TLL1: variants seen among roughly 807,000 people sequenced by gnomAD.
The protein encoded by TLL1 is tolloid like 1, also known as tolloid-like protein 1.
TLL1 carries 49 observed loss-of-function variants against 128.2 expected under a neutral mutation model. The ratio of observed to expected loss-of-function variants is 0.38; its 90% CI spans 0.30 to 0.48. The LOEUF (loss-of-function observed/expected upper bound fraction) is 0.48, where lower values mean the gene tolerates loss of function less well. Ranked by LOEUF, TLL1 falls within the 20% of genes least tolerant of loss-of-function variation. The pLI is 0.96. For missense variants in TLL1, 1,123 were observed against 1,242.0 expected (o/e 0.90, Z 1.44); for synonymous variants, 454 against 418.8 (o/e 1.08, Z -1.03).
intron 8 of TLL1, among the ~76,000 whole-genome samples, chr4:166,020,760 T>C (rs969361188): frequency 3.3e-5 from 5 of 152,238 alleles, no homozygotes; most frequent in South Asian, 2.1e-4. Flanking sequence ...TCTCAGTAAG[T>C]CTTCCTTAAT....
At chr4:166,022,377 C>G (rs1196144181) in intron 8 of TLL1, among the ~76,000 whole-genome samples, 3 of 152,160 alleles carry the variant, frequency 2.0e-5, no homozygotes, top group Non-Finnish European at 4.4e-5. Context: ...GTTGGCCAGG[C>G]TGGTCTGGAA....
chr4:165,955,217 C>A lies in TLL1; in HGVS notation c.170-34164C>A, dbSNP rs1198548591. ...GTCCTTCAAATCAACCCAATCAGAC[C>A]AAAAAATTAAAATAAAAATAAAAAG... On this transcript the variant is annotated intron_variant, in intron 1 of 20. Transcript: ENST00000061240. Among the ~76,000 whole-genome samples the A allele has an allele frequency of 2.0e-5, 3 of 150,622 alleles. No homozygotes were observed. The East Asian group carries it at 5.8e-4, about 29-fold the overall frequency.
intron 1 of TLL1, among the ~76,000 whole-genome samples, chr4:165,916,800 G>A (rs1561026901): frequency 1.3e-5 from 2 of 152,062 alleles, no homozygotes; most frequent in Admixed American, 6.6e-5. Context: ...TCTGCTGCCT[G>A]TCTATACATT....
intron 15 of TLL1, among the ~76,000 whole-genome samples, chr4:166,061,912 A>G (rs1163218744): frequency 2.6e-5 from 4 of 152,118 alleles, no homozygotes; most frequent in Non-Finnish European, 2.9e-5. Flanking sequence ...TAAGGAAAGG[A>G]CCCAGTTTCA....
At chr4:165,973,865 C>T (rs1321503116) in intron 1 of TLL1, among the ~76,000 whole-genome samples, 1 of 151,958 alleles carries the variant, frequency 6.6e-6, no homozygotes, top group Non-Finnish European at 1.5e-5. Flanking sequence ...GGGGTTTCAC[C>T]ATATTGGTCA....
intron 9 of TLL1, among the ~76,000 whole-genome samples, chr4:166,034,812 T>C (rs186108286): frequency 1.2e-4 from 19 of 152,238 alleles, no homozygotes; most frequent in African/African-American, 4.1e-4. Flanking sequence ...TTGTGGACAA[T>C]AGAAATTTAT....
At chr4:165,909,215 T>C (rs1732413607) in intron 1 of TLL1, among the ~76,000 whole-genome samples, 1 of 151,764 alleles carries the variant, frequency 6.6e-6, no homozygotes, top group Non-Finnish European at 1.5e-5. Context: ...AAAGAACGGC[T>C]CCAAAGTTTA....
intron 1 of TLL1, among the ~76,000 whole-genome samples, chr4:165,965,225 C>A (rs1025373202): frequency 1.3e-5 from 2 of 151,968 alleles, no homozygotes; most frequent in Admixed American, 6.6e-5. Flanking sequence ...TAATATGTTT[C>A]TTTGTAGATA....
chr4:166,010,950 T>C (rs1326559863), intron 7 of TLL1, among the ~76,000 whole-genome samples: 1 of 151,320 alleles, frequency 6.6e-6, no homozygotes, highest in Non-Finnish European at 1.5e-5. Flanking sequence ...AAAGATAATA[T>C]GATCTCGTAT....
rs563723013 is a variant in TLL1, at chr4:165,906,577, C to G, written c.169+32504C>G. Among the ~76,000 whole-genome samples the G allele has an allele frequency of 3.3e-5, 5 of 152,148 alleles. No individual in the cohort carries two copies. The South Asian group carries it at 1.0e-3, about 32-fold the overall frequency. ...TAAACAGTGAAATTATAATATACAA[C>G]CAACCAGTTTAGTGAAAATCTTGGA... On this transcript the variant is annotated intron_variant, in intron 1 of 20. Transcript: ENST00000061240.
chr4:166,087,775 G>A (rs534409446), intron 18 of TLL1, among the ~76,000 whole-genome samples: 2 of 152,170 alleles, frequency 1.3e-5, no homozygotes, highest in Non-Finnish European at 2.9e-5. Context: ...CCTGGCCAGG[G>A]GCCAGCCAGG....
At chr4:165,994,954 AGT>A in intron 4 of TLL1, 105 bp from the exon 5 acceptor site, 1 of 825,416 alleles carries the variant, frequency 1.2e-6, no homozygotes, top group Non-Finnish European at 2.0e-6. Flanking sequence ...GGTTGATGAT[AGT>A]GGTGGCATTC....
chr4:165,876,893 A>G (rs1277354949), intron 1 of TLL1, among the ~76,000 whole-genome samples: 1 of 152,222 alleles, frequency 6.6e-6, no homozygotes, highest in East Asian at 1.9e-4. Flanking sequence ...CGAAGATCAT[A>G]GCTTCATATT....
chr4:166,008,057 C>A lies in TLL1; in HGVS notation c.917+9C>A. ...AGGAACACCTTCTCAAGGTTGGAGT[C>A]TCAGGTTATACCTTTTGACTTTTAA... On this transcript the variant is annotated intron_variant, in intron 7 of 20. Transcript: ENST00000061240. 6.2e-7 allele frequency: 1 copy of A among 1,600,122 alleles called. No homozygotes were observed. The highest frequency in any genetic ancestry group is 1.1e-5 in the South Asian group (1 of 90,810).
chr4:165,896,329 T>A (rs1731679136), intron 1 of TLL1, among the ~76,000 whole-genome samples: 1 of 152,150 alleles, frequency 6.6e-6, no homozygotes, highest in African/African-American at 2.4e-5. Context: ...ATCCAGTTGA[T>A]CATTGATGGG....
intron 1 of TLL1, among the ~76,000 whole-genome samples, chr4:165,920,798 C>T (rs1236282800): frequency 1.3e-5 from 2 of 152,002 alleles, no homozygotes; most frequent in African/African-American, 4.8e-5. Context: ...TACAGTTCAA[C>T]TTTAGAACAT....
intron 1 of TLL1, among the ~76,000 whole-genome samples, chr4:165,877,805 C>T (rs776001667): frequency 1.2e-4 from 17 of 146,158 alleles, no homozygotes; most frequent in East Asian, 2.0e-4. Flanking sequence ...TTTGTATTTA[C>T]GGGAATATTA....
rs1317217466 is a variant in TLL1 at position 166,077,934 on chromosome 4, T to C, written c.2346T>C (p.Ser782=). 5 of 1,613,624 alleles carry C rather than the reference T, an allele frequency of 3.1e-6. No individual in the cohort carries two copies. The highest frequency in any genetic ancestry group is 4.2e-6 in the Non-Finnish European group (5 of 1,179,736). Residue 782 remains serine, a synonymous_variant, in exon 18 of 21, where the codon AGT becomes AGC. Transcript: ENST00000061240. Reference sequence around the variant, plus strand: ...GTGAACAGAAGATCCACAGTCCAAGTGGCCTCATCACCAGTCCCAACTGGC... The same window carrying C: ...GTGAACAGAAGATCCACAGTCCAAGCGGCCTCATCACCAGTCCCAACTGGC... ...AECEQKIHSP[S]GLITSPNWPD... is the part of the protein sequence containing the mutation.
chr4:166,025,425 G>A lies in TLL1; in HGVS notation c.1152G>A (p.Gly384=), dbSNP rs746750970. Residue 384 remains glycine (G), a synonymous_variant, in exon 9 of 21, where the codon GGG becomes GGA. Coordinates refer to ENST00000061240, the MANE Select transcript of TLL1 (RefSeq NM_012464.5). ...TCTGGAGAGTTTCTGTGACCCCAGG[G>A]GAGAAGGTAGTTTATACCGTCAAGC... ...HCIWRVSVTP[G]EKIVLNFTTM... 6.2e-7 allele frequency: 1 copy of A among 1,605,486 alleles called. No individual in the cohort carries two copies. Among genetic ancestry groups the A allele is most frequent in the South Asian group, 1.1e-5 (1 of 90,904 alleles).
Sources: gnomAD v4.1 joint callset for allele counts (sites outside exome capture counted in the v4.1 genomes callset) on GRCh38, gnomAD v4.1.1 for gene constraint, MANE v1.5 for transcripts, NCBI Gene and HGNC (gene_info 2026-07-23, HGNC 2026-07-21) for gene names.